Variants in ADAMTS17 observed in about 807,000 individuals in gnomAD.
ADAMTS17 encodes A disintegrin and metalloproteinase with thrombospondin motifs 17.
A neutral mutation model predicts 141.5 loss-of-function variants in ADAMTS17; 113 were observed. That is an observed-to-expected ratio of 0.80 (90% CI 0.69 to 0.93). The LOEUF (loss-of-function observed/expected upper bound fraction) is 0.93. Among genes scored for constraint, ADAMTS17 ranks in the 40% least tolerant of loss-of-function variants. The pLI, the probability that ADAMTS17 is intolerant of heterozygous loss-of-function variation, is 0.00. For missense variants in ADAMTS17, 1,659 were observed against 1,517.9 expected, an observed-to-expected ratio of 1.09 and a Z score of -1.54; for synonymous variants, 768 against 630.6, an observed-to-expected ratio of 1.22 and a Z score of -3.27.
At chr15:99,988,978 T>A (rs2060642697) in intron 20 of ADAMTS17, among the ~76,000 whole-genome samples, 1 of 152,166 alleles carries the variant, frequency 6.6e-6, no homozygotes, top group Non-Finnish European at 1.5e-5. Context: ...AGCAAAAGTG[T>A]CCAGCGAGTC....
intron 14 of ADAMTS17, among the ~76,000 whole-genome samples, chr15:100,097,843 T>A (rs1363320572): frequency 6.6e-6 from 1 of 152,232 alleles, no homozygotes; most frequent in Non-Finnish European, 1.5e-5. Flanking sequence ...GCTCTTCATA[T>A]TTAGTAATCC....
At position 99,997,644 on chromosome 15, in the gene ADAMTS17, C is replaced by G. The variant is rs917184116; in HGVS notation, c.2592-55G>C. On this transcript the variant is annotated intron_variant, in intron 18 of 21. Transcript: ENST00000268070. This position sits in a 1 kb window ranked among gnomAD's most constrained non-coding sequence, Gnocchi z 4.7. ...CGACTGGGTGAGAGGCCAGCCTCTC[C>G]GGAGGGCCTTCCGGCCGGATCCTGG... is the stretch of plus-strand genomic sequence containing the variant. The G allele has an allele frequency of 1.2e-6, 2 of 1,604,278 alleles. No homozygotes were observed. The highest frequency in any genetic ancestry group is 2.2e-5 in the South Asian group (2 of 90,864).
At chr15:100,241,905 A>G (rs1307881900) in intron 7 of ADAMTS17, among the ~76,000 whole-genome samples, 1 of 152,208 alleles carries the variant, frequency 6.6e-6, no homozygotes, top group Non-Finnish European at 1.5e-5. Flanking sequence ...CCTAAATAGT[A>G]GCCAGGCCCA....
chr15:100,078,285 T>C (rs1364362915), intron 15 of ADAMTS17, among the ~76,000 whole-genome samples: 3 of 151,384 alleles, frequency 2.0e-5, no homozygotes, highest in Admixed American at 2.0e-4. Flanking sequence ...AGACCCAGAA[T>C]AGCCAAAGTA....
intron 7 of ADAMTS17, among the ~76,000 whole-genome samples, chr15:100,251,013 T>C (rs1289332125): frequency 1.3e-5 from 2 of 152,184 alleles, no homozygotes; most frequent in East Asian, 1.9e-4. Context: ...GCTTAATCAT[T>C]TGTACAAGCA....
chr15:100,337,680 C>T (rs1391458947), intron 2 of ADAMTS17, among the ~76,000 whole-genome samples: 2 of 152,246 alleles, frequency 1.3e-5, no homozygotes, highest in African/African-American at 4.8e-5. Context: ...GAGTATCATC[C>T]AAGAAAGGAT....
intron 10 of ADAMTS17, among the ~76,000 whole-genome samples, chr15:100,139,898 G>C (rs745887891): frequency 6.6e-6 from 1 of 152,190 alleles, no homozygotes; most frequent in South Asian, 2.1e-4. Flanking sequence ...GGAAAAACTG[G>C]TGAAATCTAA....
intron 7 of ADAMTS17, among the ~76,000 whole-genome samples, chr15:100,221,748 G>C (rs1018594836): frequency 6.6e-6 from 1 of 152,180 alleles, no homozygotes; most frequent in Non-Finnish European, 1.5e-5. Context: ...CAGGTTTGCC[G>C]GGTGGTCTGA....
chr15:100,069,388 G>T (rs547427365), intron 15 of ADAMTS17, among the ~76,000 whole-genome samples: 1 of 152,254 alleles, frequency 6.6e-6, no homozygotes, highest in East Asian at 1.9e-4. Flanking sequence ...AGGAAATACA[G>T]AGAAATCCAC....
chr15:100,021,772 C>T (rs893561056), intron 18 of ADAMTS17, among the ~76,000 whole-genome samples: 6 of 152,200 alleles, frequency 3.9e-5, no homozygotes, highest in Non-Finnish European at 8.8e-5. Flanking sequence ...CAAGCCTTGT[C>T]GCCCTGGCCC....
Position 99,973,917 on chromosome 15 carries a change from G to C in ADAMTS17, c.*485C>G. 1.3e-5 allele frequency: 3 copies of C among 234,420 alleles called. No homozygotes were observed. The South Asian group carries it at 1.7e-4, about 13-fold the overall frequency. 14.5% of individuals were successfully genotyped at this position (234,420 alleles called of 1,614,324 possible). A position where few individuals can be genotyped will look rare whatever the true frequency, so the allele number is the denominator to read the frequency against. ...GAGAGAAACGTGTGCTAAGCAGCCCGGCCCTCCCCAGAGAAGCCACGGGCA... is the reference window on the plus strand; with the variant it reads ...GAGAGAAACGTGTGCTAAGCAGCCCCGCCCTCCCCAGAGAAGCCACGGGCA... On this transcript the variant is annotated 3_prime_UTR_variant, in exon 22 of 22. Transcript: ENST00000268070.
In ADAMTS17 at chr15:99,972,581, C is replaced by A. The variant is rs1597463430; in HGVS notation, c.*1821G>T. On this transcript the variant is annotated 3_prime_UTR_variant, in exon 22 of 22. Coordinates refer to ENST00000268070, the MANE Select transcript of ADAMTS17 (RefSeq NM_139057.4). Reference sequence around the variant, plus strand: ...TGAGGGCTTTGTGAAAATGGGAATTCATGGGAGTCTGCTGGTGGCCAGGCC... The same window carrying A: ...TGAGGGCTTTGTGAAAATGGGAATTAATGGGAGTCTGCTGGTGGCCAGGCC... 2.0e-5 allele frequency: 3 copies of A among 152,192 alleles called. No individual in the cohort carries two copies. The highest frequency in any genetic ancestry group is 7.2e-5 in the African/African-American group (3 of 41,456). The allele number at this position is 152,192 out of a possible 1,614,324, so 9.4% of individuals were successfully genotyped here.
At chr15:100,038,456 G>C (rs1284266594) in intron 18 of ADAMTS17, among the ~76,000 whole-genome samples, 2 of 152,164 alleles carry the variant, frequency 1.3e-5, no homozygotes, top group Non-Finnish European at 2.9e-5. Flanking sequence ...TCAATTTGTA[G>C]AGTATTGTTA....
intron 8 of ADAMTS17, among the ~76,000 whole-genome samples, chr15:100,162,786 G>A (rs905998324): frequency 9.1e-5 from 13 of 142,748 alleles, no homozygotes; most frequent in Non-Finnish European, 1.7e-4. Flanking sequence ...ATATACATAT[G>A]CACATATACA....
At chr15:100,063,342 C>G (rs1194151915) in intron 15 of ADAMTS17, among the ~76,000 whole-genome samples, 1 of 152,216 alleles carries the variant, frequency 6.6e-6, no homozygotes, top group Non-Finnish European at 1.5e-5. Context: ...TGCTCAGACT[C>G]AAGCTGCTCT....
At position 99,974,375 on chromosome 15, in the gene ADAMTS17, G is replaced by A; in HGVS notation, c.*27C>T. The A allele has an allele frequency of 1.2e-6, 2 of 1,613,842 alleles. No individual in the cohort carries two copies. The highest frequency in any genetic ancestry group is 1.7e-6 in the Non-Finnish European group (2 of 1,180,012). On this transcript the variant is annotated 3_prime_UTR_variant, in exon 22 of 22. Transcript: ENST00000268070. ...GGGTGGGTTTCAGACCTGAGTCTGA[G>A]CTTTGAGCGACCCTTGGGACTGCGT...
At chr15:100,243,680 C>A (rs113378221) in intron 7 of ADAMTS17, among the ~76,000 whole-genome samples, 1 of 151,520 alleles carries the variant, frequency 6.6e-6, no homozygotes, top group Non-Finnish European at 1.5e-5. Flanking sequence ...ATCCCAGCTA[C>A]GTGGGAGGCT....
At chr15:100,057,507 A>G (rs28616132) in intron 15 of ADAMTS17, among the ~76,000 whole-genome samples, 2,463 of 152,230 alleles carry the variant, frequency 0.016, 81 homozygotes, top group African/African-American at 0.056. Flanking sequence ...GACAGACTCC[A>G]ACACGGGCTG....
At chr15:100,058,732 C>A (rs1477654006) in intron 15 of ADAMTS17, among the ~76,000 whole-genome samples, 1 of 152,204 alleles carries the variant, frequency 6.6e-6, no homozygotes, top group Non-Finnish European at 1.5e-5. Context: ...GCCTGCCATC[C>A]TCTGATCACC....
Sources: gnomAD v4.1 joint callset for allele counts (sites outside exome capture counted in the v4.1 genomes callset) on GRCh38, gnomAD v4.1.1 for gene constraint, Gnocchi (gnomAD v3.1) non-coding constraint, MANE v1.5 for transcripts, NCBI Gene and HGNC (gene_info 2026-07-23, HGNC 2026-07-21) for gene names.